The following SLCO5A1 variants were observed in gnomAD, a reference collection of about 807,000 sequenced individuals.
SLCO5A1 encodes the protein organic anion transporter polypeptide-related protein 4.
Under a neutral mutation model 65.1 loss-of-function variants are expected in SLCO5A1, and 39 were observed. That is an observed-to-expected ratio of 0.60 (90% confidence interval 0.46 to 0.78). SLCO5A1 has a LOEUF of 0.78. Among genes scored for constraint, SLCO5A1 ranks in the 30% least tolerant of loss-of-function variants. SLCO5A1 has a pLI of 0.00. For missense variants in SLCO5A1, 1,029 were observed against 1,069.4 expected (o/e 0.96, Z 0.53); for synonymous variants, 438 against 415.7 (o/e 1.05, Z -0.65).
At position 69,673,051 on chromosome 8, in the gene SLCO5A1, TGTC is replaced by T; in HGVS notation, c.2362_2364del (p.Asp788del). On this transcript the variant is annotated inframe_deletion, in exon 10 of 10. Transcript: ENST00000260126. Reference sequence around the variant, plus strand: ...GCTGGGCAAGATCTAGTCCGGGCATTGTCGGGGTGTCCCACTCTCTCACTCACG... The same window carrying T: ...GCTGGGCAAGATCTAGTCCGGGCATTGGGGTGTCCCACTCTCTCACTCACG... 2 of 1,614,202 alleles carry T rather than the reference TGTC, an allele frequency of 1.2e-6. No individual in the cohort carries two copies. The highest frequency in any genetic ancestry group is 1.7e-6 in the Non-Finnish European group (2 of 1,180,040).
chr8:69,816,144 G>C (rs79498610), intron 2 of SLCO5A1, among the ~76,000 whole-genome samples: 2 of 152,122 alleles, frequency 1.3e-5, no homozygotes, highest in South Asian at 4.1e-4. Flanking sequence ...AAAGAGTTTA[G>C]AGCATCACTA....
chr8:69,750,703 T>A (rs1023394012), intron 4 of SLCO5A1, among the ~76,000 whole-genome samples: 4 of 152,194 alleles, frequency 2.6e-5, no homozygotes, highest in African/African-American at 9.6e-5. Context: ...ACCTCCTCCA[T>A]ATAACTTTTC....
In SLCO5A1 at chr8:69,708,797, C is replaced by T. The variant is rs143679039; in HGVS notation, c.1424-3568G>A. 1.3e-3 allele frequency among the ~76,000 whole-genome samples: 193 copies of T among 151,790 alleles called. 1 individual carries two copies. The highest frequency in any genetic ancestry group is 4.4e-3 in the African/African-American group (182 of 41,374). ...CATATGCCTGTAATCTCAGTTACTC[C>T]GGAGACTGAGGCAGGAGAATTATTG... On this transcript the variant is annotated intron_variant, in intron 5 of 9. Coordinates refer to ENST00000260126, the MANE Select transcript of SLCO5A1 (RefSeq NM_030958.3).
At chr8:69,811,087 C>T (rs1215355234) in intron 2 of SLCO5A1, among the ~76,000 whole-genome samples, 1 of 152,180 alleles carries the variant, frequency 6.6e-6, no homozygotes, top group Non-Finnish European at 1.5e-5. Flanking sequence ...TCTCAGCAGG[C>T]AGACTATCCA....
intron 5 of SLCO5A1, among the ~76,000 whole-genome samples, chr8:69,716,130 T>C (rs1815523287): frequency 6.6e-6 from 1 of 152,216 alleles, no homozygotes; most frequent in African/African-American, 2.4e-5. Context: ...GGTTCCTCTG[T>C]GTTAAAGCAT....
intron 2 of SLCO5A1, among the ~76,000 whole-genome samples, chr8:69,777,217 T>C (rs1358407868): frequency 6.6e-6 from 1 of 152,176 alleles, no homozygotes; most frequent in Non-Finnish European, 1.5e-5. Flanking sequence ...TACTTAGCGA[T>C]ATAAAGAAAT....
At chr8:69,775,246 T>G (rs1818511019) in intron 2 of SLCO5A1, among the ~76,000 whole-genome samples, 1 of 152,190 alleles carries the variant, frequency 6.6e-6, no homozygotes, top group African/African-American at 2.4e-5. Context: ...TTAGAAATAT[T>G]TTCAAAGTAA....
chr8:69,786,089 GT>G (rs1819032662), intron 2 of SLCO5A1, among the ~76,000 whole-genome samples: 2 of 152,104 alleles, frequency 1.3e-5, no homozygotes, highest in Non-Finnish European at 2.9e-5. Context: ...AGATGATATA[GT>G]TATTATGTAA....
intron 6 of SLCO5A1, among the ~76,000 whole-genome samples, chr8:69,701,563 T>G (rs908797640): frequency 1.2e-4 from 18 of 152,210 alleles, no homozygotes; most frequent in African/African-American, 4.1e-4. Flanking sequence ...ACCCAGACAT[T>G]CCTTCCTATG....
At position 69,832,781 on chromosome 8, in the gene SLCO5A1, G is replaced by T; in HGVS notation, c.-108C>A. On this transcript the variant is annotated 5_prime_UTR_variant, in exon 2 of 10. Transcript: ENST00000260126. This position sits in a 1 kb window ranked among gnomAD's most constrained non-coding sequence, Gnocchi z 4.5. ...GGGCCCAGTCAGTCTTGCCCACCTG[G>T]GACTGGGGCTGGGGGCGCAGGGCCG... 7.5e-7 allele frequency: 1 copy of T among 1,337,128 alleles called. No individual in the cohort carries two copies. Among genetic ancestry groups the T allele is most frequent in the South Asian group, 1.5e-5 (1 of 68,744 alleles). The allele number at this position is 1,337,128 out of a possible 1,614,324, so 82.8% of individuals were successfully genotyped here.
At chr8:69,793,408 A>G (rs1017560171) in intron 2 of SLCO5A1, among the ~76,000 whole-genome samples, 8 of 152,166 alleles carry the variant, frequency 5.3e-5, no homozygotes. Flanking sequence ...TACTACCCAG[A>G]GATGGCTACT....
rs189766723 is a variant in SLCO5A1 at position 69,725,053 on chromosome 8, T to C, written c.1423+12987A>G. On this transcript the variant is annotated intron_variant, in intron 5 of 9. Transcript: ENST00000260126. ...TTCTCATTAATAATTAATATTTGTG[T>C]TGTTCTTTACACTTAAGTAAATTTT... 3.1e-3 allele frequency among the ~76,000 whole-genome samples: 466 copies of C among 152,354 alleles called. 2 individuals carry two copies. The highest frequency in any genetic ancestry group is 0.01 in the African/African-American group (435 of 41,590).
Position 69,679,664 on chromosome 8 carries a change from A to C in SLCO5A1, c.1783-45T>G, listed in dbSNP as rs760283403. On this transcript the variant is annotated intron_variant, in intron 7 of 9. Transcript: ENST00000260126. ...ATGAGTTGTGTGCCCCTCAAAAGCT[A>C]ACTGTGGCATAAGAATATTAAGACA... 8.8e-6 allele frequency: 14 copies of C among 1,597,264 alleles called. 1 individual carries two copies. The South Asian group carries it at 1.6e-4, about 18-fold the overall frequency.
At chr8:69,730,922 TG>T (rs1352262182) in intron 5 of SLCO5A1, among the ~76,000 whole-genome samples, 4 of 152,082 alleles carry the variant, frequency 2.6e-5, no homozygotes, top group African/African-American at 9.7e-5. Context: ...GCATGTGAGA[TG>T]GCTTGAATAT....
rs1814033683 is a variant in SLCO5A1 at position 69,687,070 on chromosome 8, T to A, written c.1623-4727A>T. 2.0e-5 allele frequency among the ~76,000 whole-genome samples: 3 copies of A among 152,074 alleles called. No individual in the cohort carries two copies. The South Asian group carries it at 6.2e-4, about 32-fold the overall frequency. Reference sequence around the variant, plus strand: ...TATCTTTCCGCACTTAACAGAAGCATGAATGAATAGCAGTAACACAATCAC... The same window carrying A: ...TATCTTTCCGCACTTAACAGAAGCAAGAATGAATAGCAGTAACACAATCAC... On this transcript the variant is annotated intron_variant, in intron 6 of 9. Transcript: ENST00000260126.
intron 2 of SLCO5A1, among the ~76,000 whole-genome samples, chr8:69,792,215 A>C (rs1819300818): frequency 6.6e-6 from 1 of 152,176 alleles, no homozygotes; most frequent in South Asian, 2.1e-4. Context: ...GTGTGTGATT[A>C]ATGGCCAAAC....
chr8:69,676,806 C>T (rs926535878), intron 8 of SLCO5A1, 133 bp from the exon 9 acceptor site: 1 of 616,298 alleles, frequency 1.6e-6, no homozygotes, highest in African/African-American at 1.9e-5. Context: ...CTATTATTTA[C>T]TAACAATAGC....
At chr8:69,684,027 T>A (rs901928598) in intron 6 of SLCO5A1, among the ~76,000 whole-genome samples, 1 of 152,176 alleles carries the variant, frequency 6.6e-6, no homozygotes, top group African/African-American at 2.4e-5. Context: ...TTCAAAACAA[T>A]ATTAAAGTCT....
intron 2 of SLCO5A1, among the ~76,000 whole-genome samples, chr8:69,784,811 A>AAAAGAAAGAAAGGAAGAAAGAAAG (rs1818943147): frequency 1.4e-5 from 1 of 70,930 alleles, no homozygotes; most frequent in African/African-American, 7.8e-5. Context: ...GAAAGAAAGA[A>AAAAGAAAGAAAGGAAGAAAGAAAG]AAAGAAAGAA....
Sources: allele counts gnomAD v4.1 joint callset (sites outside exome capture counted in the v4.1 genomes callset), GRCh38; gene constraint gnomAD v4.1.1; non-coding constraint Gnocchi (gnomAD v3.1); transcripts MANE v1.5; gene names NCBI Gene and HGNC (gene_info 2026-07-23, HGNC 2026-07-21).